The following FAT4 variants were observed in gnomAD, a reference collection of about 807,000 sequenced individuals.
FAT4 encodes the protein protocadherin Fat 4.
Under a neutral mutation model 303.9 loss-of-function variants are expected in FAT4, and 84 were observed. The ratio of observed to expected loss-of-function variants is 0.28; its 90% CI spans 0.23 to 0.33. The LOEUF is 0.33. Ranked by LOEUF, FAT4 falls within the 10% of genes least tolerant of loss-of-function variation. The pLI is 1.00. For missense variants in FAT4, 6,005 were observed against 6,146.8 expected, an observed-to-expected ratio of 0.98 and a Z score of 0.77; for synonymous variants, 2,307 against 2,298.8, an observed-to-expected ratio of 1.00 and a Z score of -0.10.
At chr4:125,372,591 T>C (rs1205132854) in intron 2 of FAT4, among the ~76,000 whole-genome samples, 5 of 152,106 alleles carry the variant, frequency 3.3e-5, no homozygotes, top group Non-Finnish European at 5.9e-5. Flanking sequence ...ATGGGGAAGC[T>C]GGCTTAAAAA....
intron 11 of FAT4, among the ~76,000 whole-genome samples, chr4:125,464,329 A>G (rs538967884): frequency 2.8e-4 from 42 of 152,146 alleles, no homozygotes; most frequent in Non-Finnish European, 5.7e-4. Context: ...GGTCTTATCC[A>G]GCTGTTACCC....
At chr4:125,433,878 G>C (rs1003516184) in intron 7 of FAT4, among the ~76,000 whole-genome samples, 1 of 152,092 alleles carries the variant, frequency 6.6e-6, no homozygotes, top group Non-Finnish European at 1.5e-5. Flanking sequence ...ATGCCTGTGG[G>C]TATTCTTCAA....
At chr4:125,342,626 A>T (rs545707485) in intron 2 of FAT4, among the ~76,000 whole-genome samples, 1 of 152,048 alleles carries the variant, frequency 6.6e-6, no homozygotes, top group South Asian at 2.1e-4. Flanking sequence ...TTAAATTTAG[A>T]TATGTTTACA....
In FAT4 at chr4:125,319,170, C is replaced by T. The variant is rs1238797539; in HGVS notation, c.2759C>T (p.Pro920Leu). The T allele has an allele frequency of 6.2e-7, 1 of 1,614,080 alleles. No homozygotes were observed. The highest frequency in any genetic ancestry group is 8.5e-7 in the Non-Finnish European group (1 of 1,180,028). ...ATTTTCCAGGCCAAAGCTGTGGACCCTGATGAAGGTGTCAATGGCATGGTA... is the reference window on the plus strand; with the variant it reads ...ATTTTCCAGGCCAAAGCTGTGGACCTTGATGAAGGTGTCAATGGCATGGTA... ...HSIFQAKAVD[P>L]DEGVNGMVLY... The change falls in exon 2 of 18, where the codon CCT (proline) becomes CTT (leucine). Residue 920 changes from proline (P) to leucine (L), a missense_variant. Physicochemically the swap from Pro to Leu is moderately conservative, Grantham distance 98. Transcript: ENST00000394329.
intron 11 of FAT4, among the ~76,000 whole-genome samples, chr4:125,467,178 T>G (rs1301604877): frequency 6.6e-6 from 1 of 152,212 alleles, no homozygotes; most frequent in Non-Finnish European, 1.5e-5. Context: ...ACTTCTAGGC[T>G]GTTTTAATTT....
At chr4:125,392,602 A>G (rs999183942) in intron 2 of FAT4, among the ~76,000 whole-genome samples, 1 of 152,188 alleles carries the variant, frequency 6.6e-6, no homozygotes, top group Non-Finnish European at 1.5e-5. Context: ...TAGTTGTAAT[A>G]CATACCTATT....
chr4:125,435,746 C>T (rs999028381), intron 8 of FAT4, among the ~76,000 whole-genome samples: 2 of 151,982 alleles, frequency 1.3e-5, no homozygotes, highest in South Asian at 2.1e-4. Context: ...ATATACAGGC[C>T]ATATATGTCA....
At chr4:125,381,238 C>T (rs1733528145) in intron 2 of FAT4, among the ~76,000 whole-genome samples, 1 of 152,156 alleles carries the variant, frequency 6.6e-6, no homozygotes, top group Non-Finnish European at 1.5e-5. Context: ...ATACAGTTGT[C>T]ACATATTATT....
intron 2 of FAT4, among the ~76,000 whole-genome samples, chr4:125,365,607 A>T (rs918378869): frequency 9.9e-5 from 15 of 152,178 alleles, no homozygotes; most frequent in Non-Finnish European, 1.9e-4. Flanking sequence ...CAGGAGATTC[A>T]TAGACTATTG....
Position 125,454,371 on chromosome 4 carries a change from A to G in FAT4, c.11800+1561A>G, listed in dbSNP as rs79489194. On this transcript the variant is annotated intron_variant, in intron 10 of 17. Coordinates refer to ENST00000394329, the MANE Select transcript of FAT4 (RefSeq NM_001291303.3). ...GAAATGTAAATGAAGAAAAAGTGGC[A>G]GAAAACATGTGTAATAGAAAAAGTG... Among the ~76,000 whole-genome samples the G allele has an allele frequency of 7.6e-3, 1,157 of 152,354 alleles. 51 individuals carry two copies. In the East Asian group the frequency reaches 0.084, roughly 11 times the overall value.
At chr4:125,349,754 A>G (rs1732149931) in intron 2 of FAT4, among the ~76,000 whole-genome samples, 1 of 151,708 alleles carries the variant, frequency 6.6e-6, no homozygotes, top group Non-Finnish European at 1.5e-5. Context: ...CACATAAGCT[A>G]GATTCCCGTT....
chr4:125,418,627 C>T (rs75460475), intron 7 of FAT4, among the ~76,000 whole-genome samples: 3,362 of 152,268 alleles, frequency 0.022, 127 homozygotes, highest in African/African-American at 0.077. Flanking sequence ...AATTCCATTA[C>T]TGATGATATG....
chr4:125,439,391 G>A (rs1357997787), intron 8 of FAT4, among the ~76,000 whole-genome samples: 7 of 149,500 alleles, frequency 4.7e-5, no homozygotes, highest in African/African-American at 7.4e-5. Flanking sequence ...GGCGTGCTGC[G>A]TCGTGATCTC....
chr4:125,481,930 G>A (rs993288494), intron 16 of FAT4, among the ~76,000 whole-genome samples, 192 bp downstream of exon 16: 7 of 152,142 alleles, frequency 4.6e-5, no homozygotes, highest in African/African-American at 1.4e-4. Flanking sequence ...GATCTGAATG[G>A]TTTGGTTTCT....
chr4:125,416,655 T>A (rs963478520), intron 7 of FAT4, 33 bp downstream of exon 7: 25 of 1,606,310 alleles, frequency 1.6e-5, no homozygotes, highest in African/African-American at 4.0e-5. Flanking sequence ...CATTTGTAGA[T>A]AATTTCTAGG....
intron 2 of FAT4, among the ~76,000 whole-genome samples, chr4:125,358,022 C>T (rs990515743): frequency 6.6e-6 from 1 of 151,976 alleles, no homozygotes; most frequent in African/African-American, 2.4e-5. Flanking sequence ...TAAGCCAGAC[C>T]AGAATTCTTT....
chr4:125,481,465 C>A lies in FAT4; in HGVS notation c.12605-56C>A, dbSNP rs964079539. 2.6e-6 allele frequency: 4 copies of A among 1,511,500 alleles called. No individual in the cohort carries two copies. The Admixed American group carries it at 6.9e-5, about 26-fold the overall frequency. The allele number at this position is 1,511,500 out of a possible 1,614,324, so 93.6% of individuals were successfully genotyped here. On this transcript the variant is annotated intron_variant, in intron 15 of 17. Transcript: ENST00000394329. ...TATATTTTTGTCACTATAGAAAACA[C>A]TCCAAGAAATGCCAAATGAATGCAT...
At chr4:125,372,589 G>T (rs1344239292) in intron 2 of FAT4, among the ~76,000 whole-genome samples, 1 of 152,016 alleles carries the variant, frequency 6.6e-6, no homozygotes, top group Non-Finnish European at 1.5e-5. Context: ...GAATGGGGAA[G>T]CTGGCTTAAA....
intron 2 of FAT4, among the ~76,000 whole-genome samples, chr4:125,368,647 TA>T (rs965356980): frequency 1.3e-5 from 2 of 150,508 alleles, no homozygotes; most frequent in South Asian, 2.1e-4. Flanking sequence ...AAAGTATGAT[TA>T]AAAAAAATAC....
Sources: allele counts gnomAD v4.1 joint callset (sites outside exome capture counted in the v4.1 genomes callset), GRCh38; gene constraint gnomAD v4.1.1; transcripts MANE v1.5; gene names NCBI Gene and HGNC (gene_info 2026-07-23, HGNC 2026-07-21).